Variants in HEATR4 observed in about 807,000 individuals in gnomAD.
The protein encoded by HEATR4 is HEAT repeat containing 4.
In HEATR4, 95 loss-of-function variants were observed where a neutral mutation model predicts 108.8. That is an observed-to-expected ratio of 0.87 (90% CI 0.74 to 1.04). HEATR4 has a LOEUF of 1.04. HEATR4 is among the 50% of genes least tolerant of loss of function. The pLI, the probability that HEATR4 is intolerant of heterozygous loss-of-function variation, is 0.00. For missense variants in HEATR4, 1,152 were observed against 1,253.8 expected, an observed-to-expected ratio of 0.92 and a Z score of 1.23; for synonymous variants, 443 against 459.4, an observed-to-expected ratio of 0.96 and a Z score of 0.46.
At chr14:73,551,851 C>T (rs4644801) in intron 1 of HEATR4, among the ~76,000 whole-genome samples, 36,622 of 107,094 alleles carry the variant, frequency 0.34, 13,988 homozygotes, top group Admixed American at 0.49. Context: ...TGTATGACCT[C>T]TCCAGGACAC....
rs1305426677 is a variant in HEATR4 at position 73,534,760 on chromosome 14, ATAGT to A, written c.-151-4520_-151-4517del. On this transcript the variant is annotated intron_variant, in intron 1 of 17. Transcript: ENST00000553558. ...AAGGCTCAAGAAACAACAGTTTGAA[ATAGT>A]TAGATGTGTGTTTTTTTTAATTTTC... Among the ~76,000 whole-genome samples the A allele has an allele frequency of 4.4e-5, 5 of 113,622 alleles. 2 individuals are homozygous for A. The highest frequency in any genetic ancestry group is 8.6e-5 in the African/African-American group (3 of 34,992). The allele number at this position is 113,622 out of a possible 152,430, so 74.5% of individuals were successfully genotyped here. A position where few individuals can be genotyped will look rare whatever the true frequency, so the allele number is the denominator to read the frequency against.
chr14:73,614,770 A>G, the HEATR4 span, among the ~76,000 whole-genome samples: 1 of 144,030 alleles, frequency 6.9e-6, no homozygotes, highest in African/African-American at 2.6e-5. Flanking sequence ...AAAAAATCAC[A>G]CTGACTAAGA....
At chr14:73,596,888 C>T in the HEATR4 span, among the ~76,000 whole-genome samples, 21,657 of 151,900 alleles carry the variant, frequency 0.14, 2,197 homozygotes, top group Non-Finnish European at 0.22. Context: ...CATGAGCCAC[C>T]GCGCCCAGCT....
At chr14:73,497,569 CTTG>C (rs1317386401) in intron 14 of HEATR4, among the ~76,000 whole-genome samples, 2 of 152,160 alleles carry the variant, frequency 1.3e-5, no homozygotes, top group Non-Finnish European at 2.9e-5. Context: ...GACTCTAAAA[CTTG>C]TTGTCCCAAT....
chr14:73,492,605 T>C lies in HEATR4; in HGVS notation c.2844+461A>G. Reference sequence around the variant, plus strand: ...AAGTGTTTACGGGCTTCCAATTCGCTGGGAGGCTGGAGAACCTGTAAACGT... The same window carrying C: ...AAGTGTTTACGGGCTTCCAATTCGCCGGGAGGCTGGAGAACCTGTAAACGT... On this transcript the variant is annotated intron_variant, in intron 17 of 17. Coordinates refer to ENST00000553558, the MANE Select transcript of HEATR4 (RefSeq NM_001220484.1). This position sits in a 1 kb window ranked among gnomAD's most constrained non-coding sequence, Gnocchi z 4.9. 1 of 1,613,872 alleles carries C rather than the reference T, an allele frequency of 6.2e-7. No individual in the cohort carries two copies. The highest frequency in any genetic ancestry group is 8.5e-7 in the Non-Finnish European group (1 of 1,179,870).
At chr14:73,527,680 GA>G in intron 2 of HEATR4, among the ~76,000 whole-genome samples, 1 of 151,946 alleles carries the variant, frequency 6.6e-6, no homozygotes, top group Non-Finnish European at 1.5e-5. Flanking sequence ...CAGGTTATAT[GA>G]AAATACACAG....
At chr14:73,517,560 C>G (rs143834388) in intron 5 of HEATR4, 1 of 148,778 alleles carries the variant, frequency 6.7e-6, no homozygotes, top group African/African-American at 2.5e-5. Context: ...TCCAGCTACT[C>G]GGGAGAGTGA....
the HEATR4 span, chr14:73,567,710 A>G: frequency 6.6e-6 from 1 of 152,020 alleles, no homozygotes; most frequent in Admixed American, 6.6e-5. Flanking sequence ...TTGGGTCCAT[A>G]CTGCATTTCA....
upstream of HEATR4, among the ~76,000 whole-genome samples, chr14:73,563,486 T>G (rs1889559240): frequency 6.6e-6 from 1 of 151,844 alleles, no homozygotes; most frequent in Non-Finnish European, 1.5e-5. Context: ...TCCCAGCTAC[T>G]CGGGAGGCTG....
chr14:73,578,208 C>T, the HEATR4 span, among the ~76,000 whole-genome samples: 1 of 149,328 alleles, frequency 6.7e-6, no homozygotes, highest in African/African-American at 2.5e-5. Flanking sequence ...TTCAGATCAC[C>T]TATCAGCCTC....
intron 17 of HEATR4, among the ~76,000 whole-genome samples, chr14:73,487,503 GGTT>G (rs1342433349): frequency 6.6e-6 from 1 of 152,180 alleles, no homozygotes; most frequent in Non-Finnish European, 1.5e-5. Context: ...GGGAGGCAGA[GGTT>G]GTAGTGGGCC....
Position 73,478,782 on chromosome 14 carries a change from G to A in HEATR4, c.2905C>T (p.Arg969Ter), listed in dbSNP as rs567620340. Residue 969 changes from arginine to a stop codon, truncating the protein, a stop_gained, in exon 18 of 18, where the codon CGA becomes TGA. Transcript: ENST00000553558. LOFTEE classifies it low-confidence loss of function (END_TRUNC). ...LQSSVPGLTT[R>*]SKVRSSLVKD... The stretch of plus-strand genomic sequence containing the variant: ...ACAAGTGATGAACGAACTTTGCTTC[G>A]TGTGGTTAGGCCTGGGACTGAACTT... 27 of 1,614,016 alleles carry A rather than the reference G, an allele frequency of 1.7e-5. No homozygotes were observed. Among genetic ancestry groups the A allele is most frequent in the Non-Finnish European group, 2.1e-5 (25 of 1,179,988 alleles).
chr14:73,497,430 C>A (rs1886172568), intron 14 of HEATR4, among the ~76,000 whole-genome samples: 1 of 152,156 alleles, frequency 6.6e-6, no homozygotes, highest in South Asian at 2.1e-4. Flanking sequence ...ATTATCACCA[C>A]AACCCTATAA....
chr14:73,612,274 A>G, the HEATR4 span, among the ~76,000 whole-genome samples: 7 of 152,260 alleles, frequency 4.6e-5, no homozygotes, highest in African/African-American at 1.7e-4. Context: ...TCCTAACCTC[A>G]GGTGTGATCC....
chr14:73,552,826 A>C (rs1889343380), intron 1 of HEATR4, among the ~76,000 whole-genome samples: 1 of 101,382 alleles, frequency 9.9e-6, no homozygotes, highest in African/African-American at 3.6e-5. Flanking sequence ...GACCCCCAAC[A>C]CCTCATGCCT....
At chr14:73,519,306 ATCCCTTGAAGGTGACCATTGC>A in intron 4 of HEATR4, 143 bp from the exon 5 acceptor site, 1 of 693,104 alleles carries the variant, frequency 1.4e-6, no homozygotes, top group Middle Eastern at 2.6e-4. Flanking sequence ...ACTCTGGGGC[ATCCCTTGAAGGTGACCATTGC>A]TTAGAAATAT....
chr14:73,519,731 G>C lies in HEATR4; in HGVS notation c.1070-568C>G, dbSNP rs897560170. Among the ~76,000 whole-genome samples the C allele has an allele frequency of 2.6e-5, 4 of 151,662 alleles. No homozygotes were observed. In the East Asian group the frequency reaches 7.8e-4, roughly 30 times the overall value. On this transcript the variant is annotated intron_variant, in intron 4 of 17. Transcript: ENST00000553558. The stretch of plus-strand genomic sequence containing the variant: ...TGAAACCATTTCAAAAATAAGAAAA[G>C]AACCGGCTGGGCACCATGGCTCACG...
intron 1 of HEATR4, among the ~76,000 whole-genome samples, chr14:73,538,118 G>T (rs1471882634): frequency 1.8e-5 from 2 of 113,946 alleles, no homozygotes; most frequent in African/African-American, 5.7e-5. Context: ...GAGCCACTGC[G>T]CCCGGCCCTT....
At chr14:73,594,913 C>T in the HEATR4 span, 48 of 1,005,772 alleles carry the variant, frequency 4.8e-5, no homozygotes, top group Non-Finnish European at 6.2e-5. Context: ...CCATGTTGGC[C>T]AGGCTGGTCT....
Sources: gnomAD v4.1 joint callset for allele counts (sites outside exome capture counted in the v4.1 genomes callset) on GRCh38, gnomAD v4.1.1 for gene constraint, Gnocchi (gnomAD v3.1) non-coding constraint, MANE v1.5 for transcripts, NCBI Gene and HGNC (gene_info 2026-07-23, HGNC 2026-07-21) for gene names.